IBTK: variants seen among roughly 807,000 people sequenced by gnomAD.
IBTK encodes BTK-binding protein.
A neutral mutation model predicts 154.9 loss-of-function variants in IBTK; 83 were observed. The observed-to-expected ratio is 0.54, with a 90% CI of 0.45 to 0.64. IBTK has a LOEUF of 0.64. Among genes scored for constraint, IBTK ranks in the 30% least tolerant of loss-of-function variants. The probability of loss-of-function intolerance (pLI) is 0.00; values close to 1 mark genes in which losing one functional copy is unlikely to be tolerated. For synonymous variants in IBTK, 515 were observed against 536.1 expected (o/e 0.96, Z 0.54); for missense variants, 1,332 against 1,584.6 (o/e 0.84, Z 2.71).
intron 26 of IBTK, among the ~76,000 whole-genome samples, chr6:82,176,654 A>C (rs1768129807): frequency 6.6e-6 from 1 of 152,294 alleles, no homozygotes; most frequent in East Asian, 1.9e-4. Context: ...AACAATAAAC[A>C]AATAAAAATT....
At chr6:82,193,354 T>C (rs527400274) in intron 23 of IBTK, among the ~76,000 whole-genome samples, 18 of 152,182 alleles carry the variant, frequency 1.2e-4, no homozygotes, top group Non-Finnish European at 1.9e-4. Context: ...TAACAAAATA[T>C]CCTAACATTA....
At chr6:82,190,173 C>T (rs1768708483) in intron 25 of IBTK, among the ~76,000 whole-genome samples, 2 of 152,156 alleles carry the variant, frequency 1.3e-5, no homozygotes, top group African/African-American at 2.4e-5. Flanking sequence ...CTAACAAGCA[C>T]TGATTTAGTT....
intron 9 of IBTK, among the ~76,000 whole-genome samples, chr6:82,220,031 G>A (rs530564684): frequency 5.3e-5 from 8 of 151,930 alleles, no homozygotes; most frequent in Admixed American, 2.6e-4. Flanking sequence ...CTAACATGGC[G>A]AAACCCCGTC....
At chr6:82,184,622 T>C (rs1453462757) in intron 25 of IBTK, among the ~76,000 whole-genome samples, 2 of 152,198 alleles carry the variant, frequency 1.3e-5, no homozygotes, top group Non-Finnish European at 2.9e-5. Flanking sequence ...CCTAATACTT[T>C]CCATTGCCAC....
chr6:82,173,674 A>ATATATATATATATATATATAT (rs1768010946), intron 26 of IBTK: 1 of 196,976 alleles, frequency 5.1e-6, no homozygotes. Context: ...TCTAATAATA[A>ATATATATATATATATATATAT]ATATATATAT....
chr6:82,222,844 G>A (rs532624171), intron 8 of IBTK, among the ~76,000 whole-genome samples: 5 of 151,052 alleles, frequency 3.3e-5, no homozygotes, highest in African/African-American at 9.7e-5. Context: ...CAGGAGGGAC[G>A]CTTGAACCCA....
At chr6:82,181,028 G>T (rs1768300845) in intron 26 of IBTK, among the ~76,000 whole-genome samples, 1 of 152,152 alleles carries the variant, frequency 6.6e-6, no homozygotes, top group African/African-American at 2.4e-5. Flanking sequence ...GATAGATTTT[G>T]ATGTTTCATG....
intron 17 of IBTK, among the ~76,000 whole-genome samples, 170 bp from the exon 18 acceptor site, chr6:82,202,815 A>G (rs1480316174): frequency 1.3e-5 from 2 of 152,198 alleles, no homozygotes; most frequent in African/African-American, 4.8e-5. Context: ...CTTCCATCCC[A>G]ATATGCCAAA....
intron 1 of IBTK, 105 bp downstream of exon 1, chr6:82,247,457 C>G: frequency 2.5e-6 from 1 of 397,008 alleles, no homozygotes; most frequent in Non-Finnish European, 4.4e-6. Context: ...CCCGCGCCGC[C>G]GTCCGCAGCC....
chr6:82,189,733 C>G (rs1281209520), intron 25 of IBTK, among the ~76,000 whole-genome samples: 1 of 152,206 alleles, frequency 6.6e-6, no homozygotes, highest in East Asian at 1.9e-4. Flanking sequence ...ACAACTTTCA[C>G]TCGTTCACTT....
chr6:82,181,003 T>A (rs1768300233), intron 26 of IBTK, among the ~76,000 whole-genome samples: 1 of 152,246 alleles, frequency 6.6e-6, no homozygotes, highest in Non-Finnish European at 1.5e-5. Flanking sequence ...CTGAAAATAC[T>A]GCTTTTAAAT....
intron 9 of IBTK, among the ~76,000 whole-genome samples, chr6:82,219,649 G>C (rs1024865673): frequency 8.2e-6 from 1 of 122,036 alleles, no homozygotes; most frequent in Non-Finnish European, 1.6e-5. Context: ...ATATATTTCA[G>C]AAAATAATCT....
chr6:82,170,835 T>C lies in IBTK; in HGVS notation c.*590A>G, dbSNP rs1380015782. 1 of 152,542 alleles carries C rather than the reference T, an allele frequency of 6.6e-6. No homozygotes were observed. The highest frequency in any genetic ancestry group is 1.5e-5 in the Non-Finnish European group (1 of 68,332). The allele number at this position is 152,542 out of a possible 1,614,324, so 9.4% of individuals were successfully genotyped here. On this transcript the variant is annotated 3_prime_UTR_variant, in exon 29 of 29. Coordinates refer to ENST00000306270, the MANE Select transcript of IBTK (RefSeq NM_015525.4). Reference sequence around the variant, plus strand: ...CTGTACTCTACTGCTCAATGCAAAATGGAGAATATGTGGTCCAAATAGAAA... The same window carrying C: ...CTGTACTCTACTGCTCAATGCAAAACGGAGAATATGTGGTCCAAATAGAAA...
At chr6:82,232,691 G>C (rs762970420) in intron 3 of IBTK, among the ~76,000 whole-genome samples, 1 of 152,146 alleles carries the variant, frequency 6.6e-6, no homozygotes, top group African/African-American at 2.4e-5. Flanking sequence ...ACAAACTGGA[G>C]GGATAAGTGA....
At chr6:82,239,987 A>G (rs1160649537) in intron 2 of IBTK, among the ~76,000 whole-genome samples, 179 bp downstream of exon 2, 5 of 152,226 alleles carry the variant, frequency 3.3e-5, no homozygotes, top group African/African-American at 1.2e-4. Context: ...ACATCACAAA[A>G]AAGTTAAGTA....
intron 27 of IBTK, 71 bp from the exon 28 acceptor site, chr6:82,172,583 CT>C: frequency 7.1e-7 from 1 of 1,418,128 alleles, no homozygotes. Context: ...CTCTGAAATA[CT>C]TTTTAGCAAT....
intron 25 of IBTK, chr6:82,189,076 C>T (rs1211747342): frequency 2.3e-6 from 1 of 427,402 alleles, no homozygotes; most frequent in Non-Finnish European, 4.6e-6. Context: ...CCTAGGGGGA[C>T]CAATATCTGA....
chr6:82,238,056 C>T (rs9353060), intron 2 of IBTK, among the ~76,000 whole-genome samples: 34,909 of 151,802 alleles, frequency 0.23, 4,023 homozygotes, highest in Admixed American at 0.25. Context: ...CCAGCCTGGC[C>T]AACATGGGGA....
At chr6:82,245,118 T>C (rs763696511) in intron 1 of IBTK, among the ~76,000 whole-genome samples, 9 of 152,198 alleles carry the variant, frequency 5.9e-5, no homozygotes, top group Non-Finnish European at 8.8e-5. Flanking sequence ...AAGAGAGTAA[T>C]TTTATTTAGG....
Sources: allele counts gnomAD v4.1 joint callset (sites outside exome capture counted in the v4.1 genomes callset), GRCh38; gene constraint gnomAD v4.1.1; transcripts MANE v1.5; gene names NCBI Gene and HGNC (gene_info 2026-07-23, HGNC 2026-07-21).